Variants in PALM2AKAP2 observed in about 807,000 individuals in gnomAD.
The protein encoded by PALM2AKAP2 is PALM2 and AKAP2 fusion.
PALM2AKAP2 carries 37 observed loss-of-function variants against 71.5 expected under a neutral mutation model. The ratio of observed to expected loss-of-function variants is 0.52; its 90% CI spans 0.40 to 0.68. The LOEUF (loss-of-function observed/expected upper bound fraction) is 0.68. PALM2AKAP2 is among the 30% of genes least tolerant of loss of function. PALM2AKAP2 has a pLI of 0.00. For missense variants in PALM2AKAP2, 1,224 were observed against 1,191.8 expected, an observed-to-expected ratio of 1.03 and a Z score of -0.40; for synonymous variants, 468 against 478.8, an observed-to-expected ratio of 0.98 and a Z score of 0.29.
intron 6 of PALM2AKAP2, among the ~76,000 whole-genome samples, chr9:109,954,068 CTT>C (rs1237060355): frequency 6.6e-6 from 1 of 152,118 alleles, no homozygotes; most frequent in African/African-American, 2.4e-5. Flanking sequence ...GGTAAAATCA[CTT>C]TGTTTTCTTA....
chr9:110,160,729 C>G lies in PALM2AKAP2; in HGVS notation c.2748+4232C>G, dbSNP rs534855813. Among the ~76,000 whole-genome samples the G allele has an allele frequency of 5.9e-5, 9 of 152,334 alleles. No homozygotes were observed. In the East Asian group the frequency reaches 1.7e-3, roughly 29 times the overall value. ...CATCTCGAGGGTTTGCTTTGCCTTT[C>G]TCAGTTGAAGGGATGCTGACCAGAG... is the stretch of plus-strand genomic sequence containing the variant. On this transcript the variant is annotated intron_variant, in intron 3 of 3. Transcript: ENST00000374525.
At chr9:109,931,688 C>T (rs1831105405) in intron 5 of PALM2AKAP2, among the ~76,000 whole-genome samples, 1 of 152,208 alleles carries the variant, frequency 6.6e-6, no homozygotes, top group South Asian at 2.1e-4. Context: ...TCTGATGACT[C>T]TTCTAATACA....
intron 1 of PALM2AKAP2, among the ~76,000 whole-genome samples, chr9:109,694,176 A>G (rs993943613): frequency 6.6e-6 from 1 of 152,068 alleles, no homozygotes; most frequent in African/African-American, 2.4e-5. Flanking sequence ...ACATCAAGAA[A>G]GTGTATATAC....
chr9:109,747,483 A>C (rs1197172642), intron 1 of PALM2AKAP2, among the ~76,000 whole-genome samples: 1 of 152,220 alleles, frequency 6.6e-6, no homozygotes, highest in Non-Finnish European at 1.5e-5. Flanking sequence ...ATATATACTC[A>C]TAAGAAGAAC....
At chr9:109,928,275 T>C (rs1489023094) in intron 5 of PALM2AKAP2, among the ~76,000 whole-genome samples, 1 of 152,214 alleles carries the variant, frequency 6.6e-6, no homozygotes, top group Non-Finnish European at 1.5e-5. Flanking sequence ...GCCTAAGTTA[T>C]GTTTTAAGAA....
intron 1 of PALM2AKAP2, among the ~76,000 whole-genome samples, chr9:109,866,528 T>A (rs892726832): frequency 6.6e-6 from 1 of 152,156 alleles, no homozygotes; most frequent in Admixed American, 6.5e-5. Flanking sequence ...AAGAAAAATA[T>A]GAAGGGTACA....
At chr9:110,075,005 G>GA (rs972428925) in intron 1 of PALM2AKAP2, among the ~76,000 whole-genome samples, 4 of 146,538 alleles carry the variant, frequency 2.7e-5, no homozygotes, top group Admixed American at 6.8e-5. Flanking sequence ...TCCATCTCAA[G>GA]AAAAAAAAGA....
intron 1 of PALM2AKAP2, among the ~76,000 whole-genome samples, chr9:109,741,237 G>A (rs1285596209): frequency 6.6e-6 from 1 of 151,982 alleles, no homozygotes; most frequent in Non-Finnish European, 1.5e-5. Flanking sequence ...TTTGAGTCTG[G>A]GTTTCTTTCA....
At chr9:109,691,065 A>G (rs777497760) in intron 1 of PALM2AKAP2, among the ~76,000 whole-genome samples, 2 of 152,174 alleles carry the variant, frequency 1.3e-5, no homozygotes, top group Non-Finnish European at 2.9e-5. Flanking sequence ...TGCTATTGGC[A>G]CTAAATCAGA....
intron 1 of PALM2AKAP2, among the ~76,000 whole-genome samples, chr9:109,755,050 C>A (rs956510111): frequency 2.0e-5 from 3 of 152,066 alleles, no homozygotes; most frequent in African/African-American, 7.2e-5. Flanking sequence ...AGAACCTCCA[C>A]CTCTGCCACC....
At chr9:109,966,633 A>G (rs371057986) in intron 6 of PALM2AKAP2, among the ~76,000 whole-genome samples, 6 of 152,198 alleles carry the variant, frequency 3.9e-5, no homozygotes, top group African/African-American at 1.4e-4. Flanking sequence ...GCTATTTTTT[A>G]TCTTTTAAAT....
intron 1 of PALM2AKAP2, among the ~76,000 whole-genome samples, chr9:109,667,516 G>A (rs560292534): frequency 5.9e-5 from 9 of 152,258 alleles, no homozygotes; most frequent in South Asian, 2.1e-4. Context: ...CCAGCTGGGC[G>A]TGGTGGCTCA....
chr9:109,659,464 C>T (rs1221868171), intron 1 of PALM2AKAP2, among the ~76,000 whole-genome samples: 4 of 146,840 alleles, frequency 2.7e-5, no homozygotes, highest in Admixed American at 2.0e-4. Flanking sequence ...TACTTTCTAT[C>T]TATATAGATT....
chr9:110,158,171 C>CA (rs1476886845), intron 3 of PALM2AKAP2, among the ~76,000 whole-genome samples: 4 of 152,236 alleles, frequency 2.6e-5, no homozygotes, highest in Non-Finnish European at 5.9e-5. Flanking sequence ...CAGTCACTTT[C>CA]ACCAGCCCTT....
chr9:109,780,650 G>A, intron 1 of PALM2AKAP2, 117 bp downstream of exon 1: 1 of 1,443,734 alleles, frequency 6.9e-7, no homozygotes, highest in Non-Finnish European at 9.7e-7. Flanking sequence ...TGTTCCAGGG[G>A]CTAAAACTCT....
chr9:109,803,148 T>C (rs139753283), intron 1 of PALM2AKAP2, among the ~76,000 whole-genome samples: 2 of 152,356 alleles, frequency 1.3e-5, no homozygotes, highest in African/African-American at 4.8e-5. Context: ...ACATTAACTG[T>C]AAGATGCATT....
At chr9:110,055,096 T>G (rs1262962132) in intron 1 of PALM2AKAP2, among the ~76,000 whole-genome samples, 1 of 152,186 alleles carries the variant, frequency 6.6e-6, no homozygotes, top group Non-Finnish European at 1.5e-5. Flanking sequence ...TTCTTTAAGC[T>G]TTGAGTAATT....
intron 1 of PALM2AKAP2, among the ~76,000 whole-genome samples, chr9:109,713,288 T>A (rs780920793): frequency 2.0e-5 from 3 of 152,318 alleles, no homozygotes; most frequent in Middle Eastern, 3.4e-3. Flanking sequence ...GCCTTCATGC[T>A]GCAGATCAAA....
chr9:110,064,560 A>C (rs1312944760), intron 1 of PALM2AKAP2, among the ~76,000 whole-genome samples: 1 of 152,188 alleles, frequency 6.6e-6, no homozygotes, highest in African/African-American at 2.4e-5. Context: ...AGTTAGTGGT[A>C]TGTCCTCAGC....
Sources: gnomAD v4.1 joint callset for allele counts (sites outside exome capture counted in the v4.1 genomes callset) on GRCh38, gnomAD v4.1.1 for gene constraint, MANE v1.5 for transcripts, NCBI Gene and HGNC (gene_info 2026-07-23, HGNC 2026-07-21) for gene names.